Variants in RRBP1 observed in about 807,000 individuals in gnomAD.
The protein encoded by RRBP1 is ribosome binding protein 1, also known as ribosome-binding protein 1.
RRBP1 carries 94 observed loss-of-function variants against 165.2 expected under a neutral mutation model. The ratio of observed to expected loss-of-function variants is 0.57; its 90% confidence interval spans 0.48 to 0.68. The LOEUF is 0.68. Among genes scored for constraint, RRBP1 ranks in the 30% least tolerant of loss-of-function variants. The probability of loss-of-function intolerance (pLI) is 0.00; values close to 1 mark genes in which losing one functional copy is unlikely to be tolerated. For synonymous variants in RRBP1, 680 were observed against 714.5 expected (o/e 0.95, Z 0.77); for missense variants, 1,676 against 1,763.0 (o/e 0.95, Z 0.88).
chr20:17,660,281 T>G lies in RRBP1; in HGVS notation c.227A>C (p.Glu76Ala), dbSNP rs1268040509. ...AGGTATCTTCCCATTAGGTTTCTCT[T>G]CCTTTTTCTTGGTCTTTCCTTTCTT... ...VEKKGKTKKK[E>A]EKPNGKIPDH... Residue 76 changes from glutamate to alanine, a missense_variant, in exon 3 of 25, where the codon GAA becomes GCA. By Grantham distance (107) the Glu-to-Ala change is moderately radical (BLOSUM62 -1). This residue lies in a region of RRBP1 where 392 missense variants were observed against 382.5 expected (regional missense o/e 1.02). Transcript: ENST00000377813. The G allele has an allele frequency of 6.2e-7, 1 of 1,606,888 alleles. No homozygotes were observed. The highest frequency in any genetic ancestry group is 1.7e-5 in the Admixed American group (1 of 58,528).
intron 20 of RRBP1, 61 bp from the exon 21 acceptor site, chr20:17,616,900 T>C (rs2035812535): frequency 7.7e-7 from 1 of 1,291,540 alleles, no homozygotes; most frequent in African/African-American, 1.5e-5. Flanking sequence ...CCATGCTCAC[T>C]CCTGCAGGGA....
chr20:17,668,692 AAGTCTTAC>A (rs1316949462), intron 2 of RRBP1, among the ~76,000 whole-genome samples: 3 of 152,346 alleles, frequency 2.0e-5, no homozygotes, highest in African/African-American at 7.2e-5. Context: ...TCAAGGGTTC[AAGTCTTAC>A]AGGTGGATGT....
rs2036726943 is a variant in RRBP1, at chr20:17,659,873, G to T, written c.635C>A (p.Ala212Asp). Residue 212 changes from alanine to aspartate, a missense_variant, in exon 3 of 25, where the codon GCT (alanine) becomes GAT (aspartate). This residue lies in a region of RRBP1 where 392 missense variants were observed against 382.5 expected (regional missense o/e 1.02). Coordinates refer to ENST00000377813, the MANE Select transcript of RRBP1 (RefSeq NM_001365613.2). ...TCTGCCCTGGTTTGGGGCTCCTTCA[G>T]CCTTTTTGCTTTGATTCTGAGTCCC... ...AEGTQNQSKK[A>D]EGAPNQGRKA... 1 of 1,551,952 alleles carries T rather than the reference G, an allele frequency of 6.4e-7. No homozygotes were observed. The highest frequency in any genetic ancestry group is 8.7e-7 in the Non-Finnish European group (1 of 1,147,194).
At position 17,643,695 on chromosome 20, in the gene RRBP1, C is replaced by T. The variant is rs1293538986; in HGVS notation, c.1913-568G>A. Among the ~76,000 whole-genome samples the T allele has an allele frequency of 6.6e-6, 1 of 152,172 alleles. No individual in the cohort carries two copies. The highest frequency in any genetic ancestry group is 1.5e-5 in the Non-Finnish European group (1 of 68,034). ...ACATCAGTGCAAACCCTATTTCTAG[C>T]TCCCTGGATGAAGCCCAGGCAGTGA... On this transcript the variant is annotated intron_variant, in intron 3 of 24. Transcript: ENST00000377813. This position sits in a 1 kb window ranked among gnomAD's most constrained non-coding sequence, Gnocchi z 4.3.
In RRBP1 at chr20:17,627,334, C is replaced by T. The variant is rs866470855; in HGVS notation, c.2963+14G>A. ...GAGGCTCAAGTGAGCAGGCAGGCTG[C>T]TTCCCCAGCTTACCGAGTCTGCTGC... On this transcript the variant is annotated intron_variant, in intron 11 of 24. Coordinates refer to ENST00000377813, the MANE Select transcript of RRBP1 (RefSeq NM_001365613.2). 2 of 1,612,614 alleles carry T rather than the reference C, an allele frequency of 1.2e-6. No individual in the cohort carries two copies. Among genetic ancestry groups the T allele is most frequent in the Middle Eastern group, 3.8e-4 (2 of 5,230 alleles).
At chr20:17,617,123 G>T (rs2035816564) in intron 20 of RRBP1, among the ~76,000 whole-genome samples, 1 of 152,240 alleles carries the variant, frequency 6.6e-6, no homozygotes, top group African/African-American at 2.4e-5. Context: ...GATGGGCATG[G>T]CCCACAGAGC....
At chr20:17,641,589 G>T (rs576240657) in intron 5 of RRBP1, 2 of 618,864 alleles carry the variant, frequency 3.2e-6, no homozygotes, top group Non-Finnish European at 5.7e-6. Flanking sequence ...CCACCACGCC[G>T]TAGAGCCACG....
At chr20:17,635,794 A>C in intron 6 of RRBP1, 130 bp from the exon 7 acceptor site, 1 of 728,746 alleles carries the variant, frequency 1.4e-6, no homozygotes, top group South Asian at 1.6e-5. Flanking sequence ...TTCCACGTGG[A>C]AGTTAAGAGG....
intron 8 of RRBP1, among the ~76,000 whole-genome samples, chr20:17,633,072 A>G (rs1172071820): frequency 2.0e-5 from 3 of 152,178 alleles, no homozygotes; most frequent in Non-Finnish European, 4.4e-5. Context: ...TTGGGGTTCA[A>G]ATTCTGCTTC....
intron 2 of RRBP1, among the ~76,000 whole-genome samples, chr20:17,661,163 C>A (rs1293439309): frequency 1.3e-5 from 2 of 152,242 alleles, no homozygotes; most frequent in African/African-American, 4.8e-5. Flanking sequence ...GTGCCATCTC[C>A]ACTCTGTTGT....
intron 3 of RRBP1, among the ~76,000 whole-genome samples, chr20:17,650,001 C>T (rs2036527661): frequency 6.6e-6 from 1 of 152,112 alleles, no homozygotes; most frequent in African/African-American, 2.4e-5. Flanking sequence ...ACTACCTTTC[C>T]TCATTCCAGA....
intron 1 of RRBP1, among the ~76,000 whole-genome samples, chr20:17,680,547 C>CA (rs1410954522): frequency 6.6e-6 from 1 of 152,120 alleles, no homozygotes; most frequent in Non-Finnish European, 1.5e-5. Flanking sequence ...TCTGACCTCT[C>CA]AGAGTAATTG....
intron 5 of RRBP1, among the ~76,000 whole-genome samples, chr20:17,639,426 T>A (rs2036305757): frequency 6.6e-6 from 1 of 152,170 alleles, no homozygotes; most frequent in South Asian, 2.1e-4. Context: ...TAAAAACTTC[T>A]CTACAAGGAC....
At chr20:17,661,895 T>C (rs995536456) in intron 2 of RRBP1, among the ~76,000 whole-genome samples, 6 of 152,122 alleles carry the variant, frequency 3.9e-5, no homozygotes, top group Non-Finnish European at 8.8e-5. Context: ...AATCCAAATT[T>C]TGACATGAGG....
chr20:17,620,233 G>T, intron 18 of RRBP1, 66 bp downstream of exon 18: 1 of 1,152,094 alleles, frequency 8.7e-7, no homozygotes, highest in Non-Finnish European at 1.3e-6. Context: ...AGTGTCCTCT[G>T]CATTAACGTC....
chr20:17,652,867 T>A (rs542843894), intron 3 of RRBP1, among the ~76,000 whole-genome samples: 26 of 152,226 alleles, frequency 1.7e-4, no homozygotes, highest in South Asian at 4.1e-4. Flanking sequence ...TCCAAATAAT[T>A]CTGGAACATG....
At chr20:17,647,723 A>C (rs1014464189) in intron 3 of RRBP1, among the ~76,000 whole-genome samples, 4 of 152,210 alleles carry the variant, frequency 2.6e-5, no homozygotes, top group Non-Finnish European at 4.4e-5. Context: ...GGCTTGGGGA[A>C]GAACTCCAGT....
chr20:17,636,004 C>T lies in RRBP1; in HGVS notation c.2338-340G>A, dbSNP rs138297671. On this transcript the variant is annotated intron_variant, in intron 6 of 24. Transcript: ENST00000377813. ...CTGTTCTAAGACAAAGCACATGCACCGCCTCTAACCCCCCTGAGGAAGCCT... is the reference window on the plus strand; with the variant it reads ...CTGTTCTAAGACAAAGCACATGCACTGCCTCTAACCCCCCTGAGGAAGCCT... 3.0e-3 allele frequency among the ~76,000 whole-genome samples: 459 copies of T among 152,318 alleles called. 2 individuals are homozygous for T. Among genetic ancestry groups the T allele is most frequent in the Non-Finnish European group, 4.9e-3 (332 of 68,024 alleles).
chr20:17,664,471 G>A (rs1465030478), intron 2 of RRBP1, among the ~76,000 whole-genome samples: 1 of 152,228 alleles, frequency 6.6e-6, no homozygotes, highest in African/African-American at 2.4e-5. Flanking sequence ...CAGACTGTAA[G>A]ACAAAAAGAT....
Sources: gnomAD v4.1 joint callset for allele counts (sites outside exome capture counted in the v4.1 genomes callset) on GRCh38, gnomAD v4.1.1 for gene constraint, gnomAD v4.1.1 regional missense constraint, Gnocchi (gnomAD v3.1) non-coding constraint, MANE v1.5 for transcripts, NCBI Gene and HGNC (gene_info 2026-07-23, HGNC 2026-07-21) for gene names.